Variants in ARHGAP24 observed in about 807,000 individuals in gnomAD.
ARHGAP24 encodes the protein Rho GTPase activating protein 24.
Under a neutral mutation model 76.4 loss-of-function variants are expected in ARHGAP24, and 50 were observed. The observed-to-expected ratio is 0.65, with a 90% CI of 0.52 to 0.83. The LOEUF (loss-of-function observed/expected upper bound fraction) is 0.83. Ranked by LOEUF, ARHGAP24 falls within the 40% of genes least tolerant of loss-of-function variation. ARHGAP24 has a pLI of 0.00. For missense variants in ARHGAP24, 930 were observed against 914.2 expected, an observed-to-expected ratio of 1.02 and a Z score of -0.22; for synonymous variants, 345 against 323.3, an observed-to-expected ratio of 1.07 and a Z score of -0.72.
rs368945327 is a variant in ARHGAP24 at position 85,573,660 on chromosome 4, G to C, written c.180+2939G>C. On this transcript the variant is annotated intron_variant, in intron 2 of 9. Transcript: ENST00000395184. The stretch of plus-strand genomic sequence containing the variant: ...TAACATCTAAATGGAGAATAATTGA[G>C]CACCTTGAAAAATGTTGAAAGTGGA... Among the ~76,000 whole-genome samples, 48 of 152,174 alleles carry C rather than the reference G, an allele frequency of 3.2e-4. 1 individual carries two copies. The highest frequency in any genetic ancestry group is 1.2e-3 in the Admixed American group (19 of 15,290).
At chr4:85,841,882 A>G (rs1730609880) in intron 3 of ARHGAP24, among the ~76,000 whole-genome samples, 1 of 152,208 alleles carries the variant, frequency 6.6e-6, no homozygotes, top group Non-Finnish European at 1.5e-5. Context: ...ACAATAATAA[A>G]TAATAGAGTT....
intron 4 of ARHGAP24, chr4:85,931,105 GGTC>G: frequency 6.7e-7 from 1 of 1,500,528 alleles, no homozygotes; most frequent in Non-Finnish European, 9.0e-7. Flanking sequence ...TAGGCTTTAA[GGTC>G]TGTTTATGCT....
rs1171715675 is a variant in ARHGAP24 at position 85,995,439 on chromosome 4, G to A, written c.1785G>A (p.Gly595=). The A allele has an allele frequency of 9.9e-6, 16 of 1,609,470 alleles. No individual in the cohort carries two copies. Among genetic ancestry groups the A allele is most frequent in the Admixed American group, 3.3e-5 (2 of 59,782 alleles). Residue 595 remains glycine (G), a synonymous_variant, in exon 9 of 10, where the codon GGG becomes GGA. Coordinates refer to ENST00000395184, the MANE Select transcript of ARHGAP24 (RefSeq NM_001025616.3). The stretch of plus-strand genomic sequence containing the variant: ...ACTTTGAGGACCCTGTTTTGGATGG[G>A]CCCCCGCAGGACGACCTTTCCCACC... ...GGNFEDPVLD[G]PPQDDLSHPR...
At chr4:85,927,333 G>C (rs1003490868) in intron 4 of ARHGAP24, among the ~76,000 whole-genome samples, 7 of 152,102 alleles carry the variant, frequency 4.6e-5, no homozygotes, top group Non-Finnish European at 1.0e-4. Context: ...GAGCTGGGAT[G>C]GGGGGATGAG....
At chr4:85,640,635 T>A (rs28509264) in intron 2 of ARHGAP24, among the ~76,000 whole-genome samples, 3 of 152,140 alleles carry the variant, frequency 2.0e-5, no homozygotes, top group African/African-American at 7.2e-5. Flanking sequence ...ATATTGCTTT[T>A]CAAAATCGAC....
chr4:85,782,178 A>C (rs1727598363), intron 3 of ARHGAP24, among the ~76,000 whole-genome samples: 2 of 152,204 alleles, frequency 1.3e-5, no homozygotes, highest in African/African-American at 2.4e-5. Flanking sequence ...GCTGTTTTAA[A>C]CTGAAAATAT....
intron 3 of ARHGAP24, among the ~76,000 whole-genome samples, chr4:85,865,540 G>C (rs1732148819): frequency 6.9e-6 from 1 of 145,262 alleles, no homozygotes; most frequent in South Asian, 2.1e-4. Context: ...TATAAATCAA[G>C]AATAATTAAT....
intron 3 of ARHGAP24, among the ~76,000 whole-genome samples, chr4:85,901,970 C>T (rs1734519944): frequency 6.6e-6 from 1 of 152,068 alleles, no homozygotes; most frequent in Admixed American, 6.5e-5. Flanking sequence ...TGCTCTCCCT[C>T]CCCTTGCACT....
intron 1 of ARHGAP24, among the ~76,000 whole-genome samples, chr4:85,518,876 A>C (rs35904519): frequency 0.28 from 42,157 of 152,120 alleles, 7,075 homozygotes; most frequent in Middle Eastern, 0.38. Flanking sequence ...CTCTGGGTAG[A>C]TACCTAGTGG....
intron 1 of ARHGAP24, among the ~76,000 whole-genome samples, chr4:85,494,223 T>A (rs949070770): frequency 1.3e-5 from 2 of 152,172 alleles, no homozygotes; most frequent in Non-Finnish European, 2.9e-5. Flanking sequence ...TACGTATACA[T>A]GTGCCATGGT....
At chr4:85,873,786 G>C (rs1309104592) in intron 3 of ARHGAP24, among the ~76,000 whole-genome samples, 1 of 152,138 alleles carries the variant, frequency 6.6e-6, no homozygotes, top group African/African-American at 2.4e-5. Flanking sequence ...TGAAGCTGAT[G>C]TCTGCTTCTA....
chr4:85,938,607 G>A (rs1736784281), intron 4 of ARHGAP24, among the ~76,000 whole-genome samples: 1 of 152,120 alleles, frequency 6.6e-6, no homozygotes, highest in African/African-American at 2.4e-5. Flanking sequence ...GCTACAGAAT[G>A]GGGAGTACAC....
chr4:85,570,578 C>T lies in ARHGAP24; in HGVS notation c.37C>T (p.Gln13Ter). 1.2e-6 allele frequency: 2 copies of T among 1,614,050 alleles called. No homozygotes were observed. The highest frequency in any genetic ancestry group is 1.3e-5 in the African/African-American group (1 of 74,994). Residue 13 changes from glutamine to a stop codon, truncating the protein, a stop_gained, in exon 2 of 10, where the codon CAA becomes TAA. Transcript: ENST00000395184. LOFTEE classifies it high-confidence loss of function. ...ENNDSTENPQ[Q>*]GQGRQNAIKC... ...CAATGACTCCACGGAGAACCCCCAACAAGGCCAAGGGCGGCAGAATGCCAT... is the reference window on the plus strand; with the variant it reads ...CAATGACTCCACGGAGAACCCCCAATAAGGCCAAGGGCGGCAGAATGCCAT...
At chr4:85,737,961 T>G (rs994285) in intron 3 of ARHGAP24, among the ~76,000 whole-genome samples, 83,442 of 151,940 alleles carry the variant, frequency 0.55, 25,024 homozygotes, top group Non-Finnish European at 0.69. Context: ...GCTTGGTTTA[T>G]GTAGGCTGGA....
chr4:85,744,045 C>CA (rs1279900293), intron 3 of ARHGAP24, among the ~76,000 whole-genome samples: 3 of 152,048 alleles, frequency 2.0e-5, no homozygotes, highest in Non-Finnish European at 2.9e-5. Context: ...ATATTAAAAA[C>CA]AAAAACAAAA....
At chr4:85,714,265 C>T (rs772265758) in intron 2 of ARHGAP24, among the ~76,000 whole-genome samples, 2 of 152,078 alleles carry the variant, frequency 1.3e-5, no homozygotes, top group Non-Finnish European at 2.9e-5. Flanking sequence ...AAGTGTTAAA[C>T]GTTTTAAAAT....
intron 2 of ARHGAP24, among the ~76,000 whole-genome samples, chr4:85,645,562 G>T (rs1721690109): frequency 6.6e-6 from 1 of 152,066 alleles, no homozygotes; most frequent in South Asian, 2.1e-4. Flanking sequence ...AGGTAAAACT[G>T]ACTTTTTAAA....
intron 3 of ARHGAP24, among the ~76,000 whole-genome samples, chr4:85,794,675 G>A (rs1031690927): frequency 6.6e-6 from 1 of 152,148 alleles, no homozygotes; most frequent in Non-Finnish European, 1.5e-5. Context: ...TAGAGACAGG[G>A]TTTCGCCATG....
At chr4:85,721,233 T>C (rs1444068903) in intron 2 of ARHGAP24, among the ~76,000 whole-genome samples, 1 of 151,810 alleles carries the variant, frequency 6.6e-6, no homozygotes, top group Admixed American at 6.6e-5. Context: ...CCATCTCTAC[T>C]GAAAATACAA....
Sources: gnomAD v4.1 joint callset for allele counts (sites outside exome capture counted in the v4.1 genomes callset) on GRCh38, gnomAD v4.1.1 for gene constraint, MANE v1.5 for transcripts, NCBI Gene and HGNC (gene_info 2026-07-23, HGNC 2026-07-21) for gene names.